The following ELOB variants were observed in gnomAD, a reference collection of about 807,000 sequenced individuals.
The protein encoded by ELOB is elongin B.
ELOB carries 3 observed loss-of-function variants against 12.9 expected under a neutral mutation model. The observed-to-expected ratio is 0.23, with a 90% CI of 0.11 to 0.60. The LOEUF is 0.60. Ranked by LOEUF, ELOB falls within the 20% of genes least tolerant of loss-of-function variation. The pLI is 0.89. For missense variants in ELOB, 126 were observed against 159.2 expected (o/e 0.79, Z 1.12); for synonymous variants, 84 against 67.4 (o/e 1.25, Z -1.21).
At chr16:2,772,437 T>C (rs373234582) in intron 3 of ELOB, 3 of 168,048 alleles carry the variant, frequency 1.8e-5, no homozygotes, top group East Asian at 1.6e-4. Flanking sequence ...ATCTCCTTGT[T>C]CCCTTCACAC....
At position 2,772,148 on chromosome 16, in the gene ELOB, C is replaced by A. The variant is rs771659018; in HGVS notation, c.245-46G>T. The A allele has an allele frequency of 3.3e-6, 5 of 1,527,286 alleles. No individual in the cohort carries two copies. In the African/African-American group the frequency reaches 7.0e-5, roughly 21 times the overall value. 94.6% of individuals were successfully genotyped at this position (1,527,286 alleles called of 1,614,324 possible). On this transcript the variant is annotated intron_variant, in intron 3 of 3. Coordinates refer to ENST00000409906, the MANE Select transcript of ELOB (RefSeq NM_007108.4). ...CTGCAGGGGGGTATTCCAGCTCTTGCCCCAGCTGGGGCCTTGGTGTTCACG... is the reference window on the plus strand; with the variant it reads ...CTGCAGGGGGGTATTCCAGCTCTTGACCCAGCTGGGGCCTTGGTGTTCACG...
intron 2 of ELOB, 63 bp from the exon 3 acceptor site, chr16:2,775,619 C>A (rs754494029): frequency 3.0e-6 from 4 of 1,348,558 alleles, no homozygotes; most frequent in Admixed American, 1.9e-5. Flanking sequence ...AGACTTCTGA[C>A]CAGCAACTAC....
rs1841903522 is a variant in ELOB at position 2,771,799 on chromosome 16, A to G, written c.*191T>C. The G allele has an allele frequency of 1.4e-6, 2 of 1,452,688 alleles. No homozygotes were observed. Among genetic ancestry groups the G allele is most frequent in the South Asian group, 1.5e-5 (1 of 68,858 alleles). 90.0% of individuals were successfully genotyped at this position (1,452,688 alleles called of 1,614,324 possible). A position where few individuals can be genotyped will look rare whatever the true frequency, so the allele number is the denominator to read the frequency against. ...GGTCCCCATGGTGCCTTTAAGCAGC[A>G]GGCTGGGCCAAGTTCTCAGCCAGGG... On this transcript the variant is annotated 3_prime_UTR_variant, in exon 4 of 4. Transcript: ENST00000409906.
intron 3 of ELOB, among the ~76,000 whole-genome samples, chr16:2,774,820 AG>A (rs5815134): frequency 0.76 from 114,810 of 151,944 alleles, 44,312 homozygotes; most frequent in Admixed American, 0.84. Flanking sequence ...AAGCTTGGGC[AG>A]GGGTGGGGTA....
chr16:2,771,703 C>CT lies in ELOB; in HGVS notation c.*286dup, dbSNP rs1244122246. The CT allele has an allele frequency of 8.8e-5, 138 of 1,577,136 alleles. No homozygotes were observed. The highest frequency in any genetic ancestry group is 1.2e-4 in the Non-Finnish European group (135 of 1,162,922). On this transcript the variant is annotated 3_prime_UTR_variant, in exon 4 of 4. Coordinates refer to ENST00000409906, the MANE Select transcript of ELOB (RefSeq NM_007108.4). ...TCTTTGTGTCTCTCCCAGTCCTTCC[C>CT]TTTCCTCCCCCTGGCGTGGTTGGTG...
In ELOB at chr16:2,771,718, C is replaced by T. The variant is rs775545502; in HGVS notation, c.*272G>A. The T allele has an allele frequency of 2.1e-5, 33 of 1,556,256 alleles. No individual in the cohort carries two copies. The highest frequency in any genetic ancestry group is 2.4e-4 in the Middle Eastern group (1 of 4,242). ...CAGTCCTTCCCTTTCCTCCCCCTGG[C>T]GTGGTTGGTGTGGCTGGCTAGCTGC... On this transcript the variant is annotated 3_prime_UTR_variant, in exon 4 of 4. Transcript: ENST00000409906.
At chr16:2,775,950 G>A (rs1345685871) in intron 2 of ELOB, among the ~76,000 whole-genome samples, 2 of 152,134 alleles carry the variant, frequency 1.3e-5, no homozygotes, top group African/African-American at 4.8e-5. Context: ...CCCAACATAA[G>A]CGCTATCATA....
At position 2,771,819 on chromosome 16, in the gene ELOB, C is replaced by T; in HGVS notation, c.*171G>A. 1 of 1,451,588 alleles carries T rather than the reference C, an allele frequency of 6.9e-7. No homozygotes were observed. The highest frequency in any genetic ancestry group is 9.0e-7 in the Non-Finnish European group (1 of 1,106,026). 89.9% of individuals were successfully genotyped at this position (1,451,588 alleles called of 1,614,324 possible). On this transcript the variant is annotated 3_prime_UTR_variant, in exon 4 of 4. Transcript: ENST00000409906. ...GCAGCAGGCTGGGCCAAGTTCTCAGCCAGGGTCTCAGGATCTGGGAGACAG... is the reference window on the plus strand; with the variant it reads ...GCAGCAGGCTGGGCCAAGTTCTCAGTCAGGGTCTCAGGATCTGGGAGACAG...
intron 3 of ELOB, among the ~76,000 whole-genome samples, chr16:2,773,858 C>G (rs1187795814): frequency 1.3e-5 from 2 of 152,218 alleles, no homozygotes; most frequent in Non-Finnish European, 2.9e-5. Flanking sequence ...GAAAGGGACA[C>G]TTCTGGGGGA....
In ELOB at chr16:2,775,498, G is replaced by T; in HGVS notation, c.197C>A (p.Thr66Lys). 1 of 1,608,172 alleles carries T rather than the reference G, an allele frequency of 6.2e-7. No homozygotes were observed. ...TGTGGCTGGGGCCTGTGGCCGTGCTGTTTGACTGGTGAAGCCACACTCGCC... is the reference window on the plus strand; with the variant it reads ...TGTGGCTGGGGCCTGTGGCCGTGCTTTTTGACTGGTGAAGCCACACTCGCC... Reference protein sequence around the residue: ...TLGECGFTSQTARPQAPATVG... With the variant: ...TLGECGFTSQKARPQAPATVG... The change falls in exon 3 of 4, where the codon ACA becomes AAA. Residue 66 changes from threonine to lysine, a missense_variant. Transcript: ENST00000409906.
In ELOB at chr16:2,771,998, C is replaced by T. The variant is rs1302786033; in HGVS notation, c.349G>A (p.Val117Met). 1.2e-5 allele frequency: 20 copies of T among 1,611,676 alleles called. No individual in the cohort carries two copies. Among genetic ancestry groups the T allele is most frequent in the Non-Finnish European group, 1.6e-5 (19 of 1,179,254 alleles). Residue 117 changes from valine (V) to methionine (M), a missense_variant, in exon 4 of 4, where the codon GTG (valine) becomes ATG (methionine). By Grantham distance (21) the Val-to-Met change is conservative. Coordinates refer to ENST00000409906, the MANE Select transcript of ELOB (RefSeq NM_007108.4). ...DSGSSANEQA[V>M]Q ...GGGCCTCTTGGGGGTCCTCACTGCACGGCTTGTTCATTGGCACTGCTTCCC... is the reference window on the plus strand; with the variant it reads ...GGGCCTCTTGGGGGTCCTCACTGCATGGCTTGTTCATTGGCACTGCTTCCC...
In ELOB at chr16:2,772,538, CAA is replaced by C. The variant is rs34936144; in HGVS notation, c.245-438_245-437del. ...TGAAACCCCATCTCTACTAAAAATA[CAA>C]AAAAAAAAAAAAAAAAAAAATTAGC... On this transcript the variant is annotated intron_variant, in intron 3 of 3. Transcript: ENST00000409906. 260 of 71,682 alleles carry C rather than the reference CAA, an allele frequency of 3.6e-3. 2 individuals carry two copies. The highest frequency in any genetic ancestry group is 7.4e-3 in the Middle Eastern group (1 of 136). The allele number at this position is 71,682 out of a possible 1,614,324, so 4.4% of individuals were successfully genotyped here.
intron 3 of ELOB, chr16:2,772,354 C>T: frequency 3.2e-6 from 1 of 307,860 alleles, no homozygotes; most frequent in Non-Finnish European, 6.1e-6. Flanking sequence ...GGCCCCTTTC[C>T]TCATCTTCCA....
intron 2 of ELOB, among the ~76,000 whole-genome samples, chr16:2,776,642 G>A (rs2068802421): frequency 1.3e-5 from 2 of 152,256 alleles, no homozygotes; most frequent in Non-Finnish European, 2.9e-5. Context: ...TGGGGATTAA[G>A]GGGTCGTGGT....
In ELOB at chr16:2,771,428, G is replaced by GT. The variant is rs541931588; in HGVS notation, c.*561dup. ...AATGCAGGAACTGGGTCTGTAGACT[G>GT]TTTATTAAAGGTGTGTTAAGGGGGC... On this transcript the variant is annotated 3_prime_UTR_variant, in exon 4 of 4. Coordinates refer to ENST00000409906, the MANE Select transcript of ELOB (RefSeq NM_007108.4). 60 of 1,613,784 alleles carry GT rather than the reference G, an allele frequency of 3.7e-5. No homozygotes were observed. The African/African-American group carries it at 6.3e-4, about 17-fold the overall frequency.
intron 2 of ELOB, 190 bp from the exon 3 acceptor site, chr16:2,775,746 C>T (rs1008032943): frequency 1.3e-4 from 62 of 480,508 alleles, no homozygotes; most frequent in Non-Finnish European, 1.1e-4. Flanking sequence ...TCAAAACCTC[C>T]CAGGGTGGGA....
At chr16:2,775,220 G>T (rs1191947181) in intron 3 of ELOB, among the ~76,000 whole-genome samples, 1 of 152,106 alleles carries the variant, frequency 6.6e-6, no homozygotes, top group Admixed American at 6.5e-5. Flanking sequence ...ATGTGAGCTG[G>T]CTTCACAAAA....
intron 2 of ELOB, 59 bp from the exon 3 acceptor site, chr16:2,775,615 C>G: frequency 7.0e-7 from 1 of 1,422,522 alleles, no homozygotes; most frequent in Non-Finnish European, 9.7e-7. Flanking sequence ...CCAAAGACTT[C>G]TGACCAGCAA....
At chr16:2,772,152 A>G (rs2068762502) in intron 3 of ELOB, 50 bp from the exon 4 acceptor site, 5 of 1,521,120 alleles carry the variant, frequency 3.3e-6, no homozygotes, top group Non-Finnish European at 4.4e-6. Flanking sequence ...CTCTTGCCCC[A>G]GCTGGGGCCT....
Sources: gnomAD v4.1 joint callset for allele counts (sites outside exome capture counted in the v4.1 genomes callset) on GRCh38, gnomAD v4.1.1 for gene constraint, MANE v1.5 for transcripts, NCBI Gene and HGNC (gene_info 2026-07-23, HGNC 2026-07-21) for gene names.